PIK3C2G: variants seen among roughly 807,000 people sequenced by gnomAD.
PIK3C2G encodes the protein phosphatidylinositol-4-phosphate 3-kinase catalytic subunit type 2 gamma, also known as phosphatidylinositol 3-kinase C2 domain-containing subunit gamma.
In PIK3C2G, 168 loss-of-function variants were observed where a neutral mutation model predicts 181.1. The observed-to-expected ratio is 0.93, with a 90% CI of 0.82 to 1.05. The LOEUF (loss-of-function observed/expected upper bound fraction) is 1.05, where lower values mean the gene tolerates loss of function less well. PIK3C2G is among the 50% of genes least tolerant of loss of function. PIK3C2G has a pLI of 0.00. For synonymous variants in PIK3C2G, 573 were observed against 592.2 expected (o/e 0.97, Z 0.47); for missense variants, 1,869 against 1,732.8 (o/e 1.08, Z -1.40).
chr12:18,716,087 A>G, the PIK3C2G span, among the ~76,000 whole-genome samples: 1 of 152,148 alleles, frequency 6.6e-6, no homozygotes, highest in Non-Finnish European at 1.5e-5. Flanking sequence ...TTGGAGAAGA[A>G]ACAATGTTTA....
intron 30 of PIK3C2G, among the ~76,000 whole-genome samples, chr12:18,600,154 T>A (rs115548889): frequency 9.2e-5 from 14 of 151,994 alleles, no homozygotes; most frequent in African/African-American, 3.4e-4. Flanking sequence ...GATGATATAT[T>A]TGACTACAGA....
chr12:18,637,659 G>C (rs1949666199), intron 31 of PIK3C2G, among the ~76,000 whole-genome samples: 1 of 152,192 alleles, frequency 6.6e-6, no homozygotes, highest in Non-Finnish European at 1.5e-5. Context: ...AGTGACTGCA[G>C]GTCCTACTGT....
At chr12:18,678,814 C>G in the PIK3C2G span, among the ~76,000 whole-genome samples, 158 of 152,048 alleles carry the variant, frequency 1.0e-3, no homozygotes, top group African/African-American at 3.1e-3. Context: ...GTTATGGAAG[C>G]CTTTGTGTGG....
At chr12:18,278,138 T>C (rs1949061560) in intron 1 of PIK3C2G, among the ~76,000 whole-genome samples, 1 of 152,208 alleles carries the variant, frequency 6.6e-6, no homozygotes. Context: ...TATCACAAAC[T>C]TTGTTGCTTA....
At chr12:18,562,031 T>C (rs1283205151) in intron 26 of PIK3C2G, among the ~76,000 whole-genome samples, 2 of 152,210 alleles carry the variant, frequency 1.3e-5, no homozygotes, top group African/African-American at 2.4e-5. Flanking sequence ...ACTAGGCTTC[T>C]TGGAATTTGC....
At chr12:18,298,413 T>C (rs1363937611) in intron 5 of PIK3C2G, among the ~76,000 whole-genome samples, 1 of 150,922 alleles carries the variant, frequency 6.6e-6, no homozygotes, top group African/African-American at 2.4e-5. Context: ...TTTTTCTTTT[T>C]TTTTTTTTGC....
intron 32 of PIK3C2G, among the ~76,000 whole-genome samples, chr12:18,643,373 C>T (rs763346295): frequency 1.8e-4 from 28 of 151,892 alleles, no homozygotes; most frequent in South Asian, 1.0e-3. Flanking sequence ...TAGCCAATTC[C>T]GATGAGAACA....
In PIK3C2G at chr12:18,371,281, C is replaced by A. The variant is rs769408892; in HGVS notation, c.1850C>A (p.Ala617Glu). 8 of 1,610,974 alleles carry A rather than the reference C, an allele frequency of 5.0e-6. No individual in the cohort carries two copies. In the East Asian group the frequency reaches 1.6e-4, roughly 31 times the overall value. ...GCAACCAACAATGCAAATTTACTGG[C>A]GTGGACTTGTCTTCCACTGTTTCCA... is the stretch of plus-strand genomic sequence containing the variant. ...ACATNNANLL[A>E]WTCLPLFPKE... Residue 617 changes from alanine (A) to glutamate (E), a missense_variant, in exon 13 of 33, where the codon GCG becomes GAG. Physicochemically the swap from Ala to Glu is moderately radical, Grantham distance 107. Transcript: ENST00000538779.
At chr12:18,404,040 A>G (rs934920917) in intron 16 of PIK3C2G, among the ~76,000 whole-genome samples, 1 of 152,228 alleles carries the variant, frequency 6.6e-6, no homozygotes, top group African/African-American at 2.4e-5. Context: ...AGAACTTGCC[A>G]TCCCACATGA....
intron 20 of PIK3C2G, among the ~76,000 whole-genome samples, chr12:18,495,682 A>C (rs1438435172): frequency 6.6e-6 from 1 of 152,146 alleles, no homozygotes; most frequent in African/African-American, 2.4e-5. Flanking sequence ...AAATAATGGA[A>C]GGGAAATAAA....
At chr12:18,695,198 A>C in the PIK3C2G span, 114 of 943,682 alleles carry the variant, frequency 1.2e-4, no homozygotes, top group African/African-American at 1.8e-3. Flanking sequence ...ATGAGCAAGT[A>C]TCATTAGCCT....
At chr12:18,398,277 T>C (rs1028786819) in intron 15 of PIK3C2G, among the ~76,000 whole-genome samples, 1 of 152,170 alleles carries the variant, frequency 6.6e-6, no homozygotes, top group Non-Finnish European at 1.5e-5. Context: ...TTGTTCAGTA[T>C]TGGGGAAAAA....
intron 30 of PIK3C2G, among the ~76,000 whole-genome samples, chr12:18,609,309 A>G (rs1376355261): frequency 1.3e-5 from 2 of 152,146 alleles, no homozygotes; most frequent in Non-Finnish European, 2.9e-5. Context: ...GTATCAATCA[A>G]AACAAAATAT....
At chr12:18,259,668 T>A (rs1948186050), upstream of PIK3C2G, among the ~76,000 whole-genome samples, 1 of 152,124 alleles carries the variant, frequency 6.6e-6, no homozygotes, top group Non-Finnish European at 1.5e-5. Context: ...AACTTAAAAT[T>A]TTGACTCTTA....
At chr12:18,378,788 G>A (rs1942636424) in intron 13 of PIK3C2G, among the ~76,000 whole-genome samples, 1 of 152,204 alleles carries the variant, frequency 6.6e-6, no homozygotes, top group African/African-American at 2.4e-5. Flanking sequence ...GGCCATCACA[G>A]AAATGCAAAT....
the PIK3C2G span, chr12:18,712,803 T>C: frequency 4.4e-6 from 7 of 1,602,922 alleles, no homozygotes; most frequent in East Asian, 1.3e-4. Flanking sequence ...GAATTGCTTC[T>C]GTTTAAATAG....
chr12:18,703,574 C>A, the PIK3C2G span, among the ~76,000 whole-genome samples: 8 of 152,266 alleles, frequency 5.3e-5, no homozygotes, highest in South Asian at 6.2e-4. Flanking sequence ...AGATAGAGAA[C>A]CTTGTGATTA....
chr12:18,442,521 TAGAAG>T (rs1398718470), intron 18 of PIK3C2G, among the ~76,000 whole-genome samples: 1 of 152,152 alleles, frequency 6.6e-6, no homozygotes. Flanking sequence ...GGTGAATTCT[TAGAAG>T]AGGGGTTTTG....
chr12:18,485,432 A>G (rs904610318), intron 18 of PIK3C2G, among the ~76,000 whole-genome samples: 2 of 152,122 alleles, frequency 1.3e-5, no homozygotes, highest in African/African-American at 4.8e-5. Flanking sequence ...CCTCCATGAC[A>G]TCCTATAAAA....
Sources: gnomAD v4.1 joint callset for allele counts (sites outside exome capture counted in the v4.1 genomes callset) on GRCh38, gnomAD v4.1.1 for gene constraint, MANE v1.5 for transcripts, NCBI Gene and HGNC (gene_info 2026-07-23, HGNC 2026-07-21) for gene names.